The following BMP5 variants were observed in gnomAD, a reference collection of about 807,000 sequenced individuals.
BMP5 encodes the protein bone morphogenetic protein 5.
Under a neutral mutation model 46.6 loss-of-function variants are expected in BMP5, and 23 were observed. That is an observed-to-expected ratio of 0.49 (90% confidence interval 0.35 to 0.70). BMP5 has a LOEUF of 0.70. Among genes scored for constraint, BMP5 ranks in the 30% least tolerant of loss-of-function variants. The pLI, the probability that BMP5 is intolerant of heterozygous loss-of-function variation, is 0.00. For missense variants in BMP5, 545 were observed against 565.6 expected, an observed-to-expected ratio of 0.96 and a Z score of 0.37; for synonymous variants, 204 against 191.9, an observed-to-expected ratio of 1.06 and a Z score of -0.52.
chr6:55,855,004 G>A (rs1777350764), intron 1 of BMP5, among the ~76,000 whole-genome samples: 2 of 151,860 alleles, frequency 1.3e-5, no homozygotes, highest in Non-Finnish European at 2.9e-5. Context: ...CATTTGATGT[G>A]TTTCTTTTTT....
At chr6:55,829,726 T>C (rs1167950219) in intron 1 of BMP5, among the ~76,000 whole-genome samples, 1 of 151,808 alleles carries the variant, frequency 6.6e-6, no homozygotes, top group Admixed American at 6.6e-5. Flanking sequence ...AAAAATAACA[T>C]TTATCTTATG....
chr6:55,837,885 T>C (rs1031791885), intron 1 of BMP5, among the ~76,000 whole-genome samples: 2 of 152,168 alleles, frequency 1.3e-5, no homozygotes, highest in Non-Finnish European at 2.9e-5. Context: ...GATTATTAGA[T>C]CCCACAAATG....
chr6:55,771,386 ATG>A (rs1048165093), intron 4 of BMP5, among the ~76,000 whole-genome samples: 1 of 151,864 alleles, frequency 6.6e-6, no homozygotes, highest in African/African-American at 2.4e-5. Flanking sequence ...ATCTTCCACA[ATG>A]TGTCTGTTCA....
chr6:55,815,637 T>G (rs938813244), intron 2 of BMP5, among the ~76,000 whole-genome samples: 1 of 152,020 alleles, frequency 6.6e-6, no homozygotes, highest in African/African-American at 2.4e-5. Flanking sequence ...ACATTAAGAG[T>G]AATATTTTTT....
intron 1 of BMP5, among the ~76,000 whole-genome samples, chr6:55,835,386 T>G (rs1304894380): frequency 2.0e-5 from 3 of 152,148 alleles, no homozygotes; most frequent in Non-Finnish European, 4.4e-5. Context: ...ATTTCCTGGA[T>G]TTCAAATGCA....
Position 55,755,697 on chromosome 6 carries a change from AG to A in BMP5, c.1216-16del, listed in dbSNP as rs1416841577. 6.2e-7 allele frequency: 1 copy of A among 1,610,102 alleles called. No individual in the cohort carries two copies. Among genetic ancestry groups the A allele is most frequent in the African/African-American group, 1.3e-5 (1 of 74,724 alleles). On this transcript the variant is annotated splice_polypyrimidine_tract_variant and intron_variant, in intron 6 of 6. Coordinates refer to ENST00000370830, the MANE Select transcript of BMP5 (RefSeq NM_021073.4). The stretch of plus-strand genomic sequence containing the variant: ...ATCAGATGAACCTGGGAAAGAAAAA[AG>A]GTTTTGTTTTATTAAGAAATAAAAT...
chr6:55,756,571 T>A (rs984558104), intron 6 of BMP5, among the ~76,000 whole-genome samples: 1 of 151,944 alleles, frequency 6.6e-6, no homozygotes, highest in Non-Finnish European at 1.5e-5. Flanking sequence ...GAGGAGTTTA[T>A]GGGAAATCCC....
chr6:55,828,747 A>G (rs978777488), intron 1 of BMP5, among the ~76,000 whole-genome samples: 3 of 151,802 alleles, frequency 2.0e-5, no homozygotes, highest in Non-Finnish European at 4.4e-5. Context: ...ATATTTCTCT[A>G]TGGGGGAAAT....
rs1030674045 is a variant in BMP5, at chr6:55,755,360, T to C, written c.*173A>G. On this transcript the variant is annotated 3_prime_UTR_variant, in exon 7 of 7. Coordinates refer to ENST00000370830, the MANE Select transcript of BMP5 (RefSeq NM_021073.4). ...TTGATAAAGCCTCCACAGAAGAGAA[T>C]ATATACGTTTAAATAAATAAAAATG... is the stretch of plus-strand genomic sequence containing the variant. 1.5e-5 allele frequency: 9 copies of C among 615,552 alleles called. No homozygotes were observed. The highest frequency in any genetic ancestry group is 1.9e-5 in the African/African-American group (1 of 53,664). 38.1% of individuals were successfully genotyped at this position (615,552 alleles called of 1,614,324 possible).
chr6:55,806,075 A>G (rs1775981007), intron 2 of BMP5, among the ~76,000 whole-genome samples: 1 of 152,076 alleles, frequency 6.6e-6, no homozygotes, highest in Admixed American at 6.6e-5. Flanking sequence ...TAGTTTAATT[A>G]GATCTCATTT....
intron 1 of BMP5, among the ~76,000 whole-genome samples, chr6:55,820,574 C>T (rs1298903102): frequency 6.6e-6 from 1 of 152,008 alleles, no homozygotes; most frequent in Admixed American, 6.6e-5. Flanking sequence ...TGCACCACCA[C>T]ACCCAGCCAA....
intron 1 of BMP5, among the ~76,000 whole-genome samples, chr6:55,823,450 C>CA (rs1447037052): frequency 6.6e-6 from 1 of 151,968 alleles, no homozygotes; most frequent in Non-Finnish European, 1.5e-5. Flanking sequence ...TGGCTGAAGC[C>CA]ATGGTAACTT....
chr6:55,772,285 T>G (rs144655585), intron 4 of BMP5, among the ~76,000 whole-genome samples: 1 of 151,988 alleles, frequency 6.6e-6, no homozygotes, highest in Non-Finnish European at 1.5e-5. Flanking sequence ...TTCTTGTGGT[T>G]AGGAAGAGAA....
intron 1 of BMP5, among the ~76,000 whole-genome samples, chr6:55,839,608 C>A (rs1425455386): frequency 6.6e-6 from 1 of 152,188 alleles, no homozygotes; most frequent in Non-Finnish European, 1.5e-5. Context: ...AGCCACCATG[C>A]TTGGTCTGTG....
chr6:55,871,121 A>T (rs1207409350), intron 1 of BMP5, among the ~76,000 whole-genome samples: 2 of 151,920 alleles, frequency 1.3e-5, no homozygotes, highest in Non-Finnish European at 1.5e-5. Flanking sequence ...TAAACAAGAG[A>T]TAAATATTGT....
At chr6:55,812,256 C>T (rs1000835920) in intron 2 of BMP5, among the ~76,000 whole-genome samples, 1 of 152,172 alleles carries the variant, frequency 6.6e-6, no homozygotes, top group African/African-American at 2.4e-5. Flanking sequence ...TATCAGAACA[C>T]TCCTTTAAAT....
chr6:55,807,706 G>C (rs1368190106), intron 2 of BMP5, among the ~76,000 whole-genome samples: 1 of 151,850 alleles, frequency 6.6e-6, no homozygotes, highest in Non-Finnish European at 1.5e-5. Context: ...TTTTTCGGTT[G>C]GTAGGCTATT....
chr6:55,792,337 T>C (rs1027809688), intron 3 of BMP5, among the ~76,000 whole-genome samples: 1 of 151,858 alleles, frequency 6.6e-6, no homozygotes, highest in African/African-American at 2.4e-5. Context: ...ATCGAGACCA[T>C]CCTGGCTAAC....
rs546833074 is a variant in BMP5, at chr6:55,874,991, A to G, written c.-126T>C. Reference sequence around the variant, plus strand: ...AAAACAAATTTACCTATTTTTCATGACAGTGACATTTCTGAGCACAACATC... The same window carrying G: ...AAAACAAATTTACCTATTTTTCATGGCAGTGACATTTCTGAGCACAACATC... On this transcript the variant is annotated 5_prime_UTR_variant, in exon 1 of 7. Coordinates refer to ENST00000370830, the MANE Select transcript of BMP5 (RefSeq NM_021073.4). The G allele has an allele frequency of 9.0e-7, 1 of 1,114,528 alleles. No homozygotes were observed. The highest frequency in any genetic ancestry group is 1.3e-6 in the Non-Finnish European group (1 of 775,950). 69.0% of individuals were successfully genotyped at this position (1,114,528 alleles called of 1,614,324 possible).
Sources: gnomAD v4.1 joint callset for allele counts (sites outside exome capture counted in the v4.1 genomes callset) on GRCh38, gnomAD v4.1.1 for gene constraint, MANE v1.5 for transcripts, NCBI Gene and HGNC (gene_info 2026-07-23, HGNC 2026-07-21) for gene names.